Variants in ALPK3 observed in about 807,000 individuals in gnomAD.
ALPK3 encodes the protein alpha-protein kinase 3.
In ALPK3, 102 loss-of-function variants were observed where a neutral mutation model predicts 140.0. That is an observed-to-expected ratio of 0.73 (90% CI 0.62 to 0.86). ALPK3 has a LOEUF of 0.86. Among genes scored for constraint, ALPK3 ranks in the 40% least tolerant of loss-of-function variants. The probability of loss-of-function intolerance (pLI) is 0.00; values close to 1 mark genes in which losing one functional copy is unlikely to be tolerated. For synonymous variants in ALPK3, 938 were observed against 898.5 expected (o/e 1.04, Z -0.79); for missense variants, 2,254 against 2,208.2 (o/e 1.02, Z -0.42).
At chr15:84,866,961 G>A (rs1173378059) in intron 12 of ALPK3, among the ~76,000 whole-genome samples, 1 of 152,090 alleles carries the variant, frequency 6.6e-6, no homozygotes, top group African/African-American at 2.4e-5. Flanking sequence ...AAGTCAAATG[G>A]CCATTGCACA....
chr15:84,863,396 G>A lies in ALPK3; in HGVS notation c.4411-156G>A, dbSNP rs191764912. On this transcript the variant is annotated intron_variant, in intron 10 of 13. Coordinates refer to ENST00000258888, the MANE Select transcript of ALPK3 (RefSeq NM_020778.5). ...ATACAAAAGAGGAAAATGAGATGCA[G>A]AGTGGGGAGCAGGGAGGAGTAAGCC... 6.4e-6 allele frequency: 4 copies of A among 622,920 alleles called. No homozygotes were observed. The African/African-American group carries it at 7.4e-5, about 11-fold the overall frequency. The allele number at this position is 622,920 out of a possible 1,614,324, so 38.6% of individuals were successfully genotyped here. A position where few individuals can be genotyped will look rare whatever the true frequency, so the allele number is the denominator to read the frequency against.
chr15:84,861,068 A>G (rs1963939814), intron 9 of ALPK3, among the ~76,000 whole-genome samples: 1 of 152,212 alleles, frequency 6.6e-6, no homozygotes. Context: ...CTAAGTAATA[A>G]TTATTTAATA....
chr15:84,827,020 G>A (rs1226884365), intron 2 of ALPK3, among the ~76,000 whole-genome samples: 1 of 152,180 alleles, frequency 6.6e-6, no homozygotes, highest in Non-Finnish European at 1.5e-5. Context: ...GTGCTCTTAG[G>A]ACCCTTGAAT....
chr15:84,843,837 G>C (rs1319746912), intron 5 of ALPK3, among the ~76,000 whole-genome samples: 1 of 151,846 alleles, frequency 6.6e-6, no homozygotes, highest in Admixed American at 6.6e-5. Context: ...GCTCACGCTT[G>C]TAATCGCAGT....
At chr15:84,864,120 C>A (rs1026071533) in intron 11 of ALPK3, among the ~76,000 whole-genome samples, 2 of 152,172 alleles carry the variant, frequency 1.3e-5, no homozygotes, top group Admixed American at 1.3e-4. Flanking sequence ...CTGGTTGAAT[C>A]CTCTCTAAAG....
intron 5 of ALPK3, among the ~76,000 whole-genome samples, chr15:84,850,877 TATAC>T (rs1192987546): frequency 4.4e-5 from 4 of 90,422 alleles, no homozygotes; most frequent in African/African-American, 1.4e-4. Flanking sequence ...CAGTTCCAGA[TATAC>T]ACACACACAC....
In ALPK3 at chr15:84,858,259, C is replaced by G. The variant is rs541005940; in HGVS notation, c.3521C>G (p.Ala1174Gly). Reference sequence around the variant, plus strand: ...AAGAGATTTCTCCCTAAGGTCAGAGCAGCAGGAGACGGGGAGGCAACCACA... The same window carrying G: ...AAGAGATTTCTCCCTAAGGTCAGAGGAGCAGGAGACGGGGAGGCAACCACA... ...RRKRFLPKVR[A>G]AGDGEATTPE... The change falls in exon 6 of 14, where the codon GCA becomes GGA. Residue 1174 changes from alanine (A) to glycine (G), a missense_variant. Transcript: ENST00000258888. The G allele has an allele frequency of 1.9e-6, 3 of 1,600,658 alleles. No individual in the cohort carries two copies. Among genetic ancestry groups the G allele is most frequent in the African/African-American group, 1.3e-5 (1 of 74,492 alleles).
chr15:84,857,395 C>T lies in ALPK3; in HGVS notation c.2657C>T (p.Thr886Ile), dbSNP rs1275702908. 2 of 1,613,994 alleles carry T rather than the reference C, an allele frequency of 1.2e-6. No homozygotes were observed. Among genetic ancestry groups the T allele is most frequent in the Admixed American group, 1.7e-5 (1 of 60,010 alleles). ...AGCCCAAAGGCGGGGCCGTGTAGCACCCCGACTTCTCAGCACGGGAGCACA... is the reference window on the plus strand; with the variant it reads ...AGCCCAAAGGCGGGGCCGTGTAGCATCCCGACTTCTCAGCACGGGAGCACA... ...TASPKAGPCS[T>I]PTSQHGSTAT... Residue 886 changes from threonine to isoleucine, a missense_variant, in exon 6 of 14, where the codon ACC becomes ATC. Around this residue, in one of 3 missense-constraint regions of ALPK3, gnomAD observed 2,088 missense variants for 2,022.9 expected, o/e 1.03. Coordinates refer to ENST00000258888, the MANE Select transcript of ALPK3 (RefSeq NM_020778.5).
intron 3 of ALPK3, among the ~76,000 whole-genome samples, chr15:84,837,485 T>G (rs1963608390): frequency 6.6e-6 from 1 of 152,228 alleles, no homozygotes; most frequent in Admixed American, 6.5e-5. Context: ...ATGTCTCACC[T>G]TTTCTATCAC....
At chr15:84,859,123 G>C in intron 6 of ALPK3, 120 bp from the exon 7 acceptor site, 6 of 1,372,952 alleles carry the variant, frequency 4.4e-6, no homozygotes, top group Non-Finnish European at 6.0e-6. Context: ...TGAGTGGTAG[G>C]TCTGTGTGGA....
rs531664949 is a variant in ALPK3, at chr15:84,827,404, C to T, written c.183-80C>T. 2.4e-4 allele frequency: 377 copies of T among 1,580,558 alleles called. 3 individuals are homozygous for T. In the East Asian group the frequency reaches 7.0e-3, roughly 29 times the overall value. ...AGGAAGATGGGCAGGCATGGTAAGA[C>T]GGAAGCTGCCTTGGACAGGCCAGGC... is the stretch of plus-strand genomic sequence containing the variant. On this transcript the variant is annotated intron_variant, in intron 2 of 13. Transcript: ENST00000258888.
rs919732206 is a variant in ALPK3, at chr15:84,871,689, G to A, written c.*3233G>A. The A allele has an allele frequency of 1.3e-5, 2 of 152,222 alleles. No homozygotes were observed. Among genetic ancestry groups the A allele is most frequent in the African/African-American group, 4.8e-5 (2 of 41,458 alleles). The allele number at this position is 152,222 out of a possible 1,614,324, so 9.4% of individuals were successfully genotyped here. A position where few individuals can be genotyped will look rare whatever the true frequency, so the allele number is the denominator to read the frequency against. On this transcript the variant is annotated 3_prime_UTR_variant, in exon 14 of 14. Coordinates refer to ENST00000258888, the MANE Select transcript of ALPK3 (RefSeq NM_020778.5). Reference sequence around the variant, plus strand: ...CTGCAGGCCTGACCCAGCCTCTCGGGGTGTTGTTTCTGGTGCCATAGTTGA... The same window carrying A: ...CTGCAGGCCTGACCCAGCCTCTCGGAGTGTTGTTTCTGGTGCCATAGTTGA...
At chr15:84,850,911 CA>C (rs1963796266) in intron 5 of ALPK3, among the ~76,000 whole-genome samples, 1 of 151,026 alleles carries the variant, frequency 6.6e-6, no homozygotes, top group African/African-American at 2.5e-5. Context: ...CACACACACA[CA>C]CACCCTCTGT....
chr15:84,858,097 G>A lies in ALPK3; in HGVS notation c.3359G>A (p.Gly1120Glu), dbSNP rs1252081341. 6.4e-7 allele frequency: 1 copy of A among 1,569,616 alleles called. No homozygotes were observed. Among genetic ancestry groups the A allele is most frequent in the East Asian group, 2.2e-5 (1 of 44,470 alleles). ...SMAGRLGEAG[G>E]QAAPGQGPSA... ...GCTGGTCGACTGGGGGAGGCGGGTG[G>A]GCAGGCAGCCCCTGGACAGGGGCCC... is the stretch of plus-strand genomic sequence containing the variant. Residue 1120 changes from glycine to glutamate, a missense_variant, in exon 6 of 14, where the codon GGG becomes GAG. Gly to Glu is a moderately conservative substitution (Grantham distance 98, BLOSUM62 -2). Around this residue, in one of 3 missense-constraint regions of ALPK3, gnomAD observed 2,088 missense variants for 2,022.9 expected, o/e 1.03. Transcript: ENST00000258888.
At chr15:84,863,043 T>A in intron 10 of ALPK3, 128 bp downstream of exon 10, 1 of 1,279,474 alleles carries the variant, frequency 7.8e-7, no homozygotes, top group Non-Finnish European at 1.1e-6. Flanking sequence ...ATGAGGCTCC[T>A]AGGAGGACCT....
At position 84,856,570 on chromosome 15, in the gene ALPK3, AG is replaced by A; in HGVS notation, c.1834del (p.Ala612GlnfsTer50). The stretch of plus-strand genomic sequence containing the variant: ...AGAACTGGAAGCAAGAAGAATGTGC[AG>A]GCAGATGGGAAGATACAAGTGGATG... The part of the protein sequence containing the change: ...NQRTGSKKNV[Q>X]ADGKIQVDGR... On this transcript the variant is annotated frameshift_variant, in exon 6 of 14. Transcript: ENST00000258888. LOFTEE classifies it high-confidence loss of function. 1.9e-6 allele frequency: 3 copies of A among 1,614,206 alleles called. No individual in the cohort carries two copies. Among genetic ancestry groups the A allele is most frequent in the Non-Finnish European group, 2.5e-6 (3 of 1,180,042 alleles).
At chr15:84,853,279 A>G (rs904576444) in intron 5 of ALPK3, among the ~76,000 whole-genome samples, 5 of 152,164 alleles carry the variant, frequency 3.3e-5, no homozygotes, top group African/African-American at 9.7e-5. Context: ...GTCTGTTAAT[A>G]TCCGGTTGTC....
intron 5 of ALPK3, 70 bp from the exon 6 acceptor site, chr15:84,856,322 G>A (rs1963859201): frequency 6.5e-7 from 1 of 1,529,610 alleles, no homozygotes; most frequent in Non-Finnish European, 8.8e-7. Context: ...GAGGAGACTG[G>A]GATGCCAGAC....
chr15:84,870,542 G>C lies in ALPK3; in HGVS notation c.*2086G>C, dbSNP rs1964057856. 1 of 152,222 alleles carries C rather than the reference G, an allele frequency of 6.6e-6. No individual in the cohort carries two copies. The highest frequency in any genetic ancestry group is 1.9e-4 in the East Asian group (1 of 5,200). The allele number at this position is 152,222 out of a possible 1,614,324, so 9.4% of individuals were successfully genotyped here. A position where few individuals can be genotyped will look rare whatever the true frequency, so the allele number is the denominator to read the frequency against. On this transcript the variant is annotated 3_prime_UTR_variant, in exon 14 of 14. Coordinates refer to ENST00000258888, the MANE Select transcript of ALPK3 (RefSeq NM_020778.5). ...ACTTAAGCAAGGAAAAAGCGTTCAT[G>C]GGAAGGATGCTGGGATAGCTCACAA... is the stretch of plus-strand genomic sequence containing the variant.
Sources: allele counts gnomAD v4.1 joint callset (sites outside exome capture counted in the v4.1 genomes callset), GRCh38; gene constraint gnomAD v4.1.1; regional missense constraint gnomAD v4.1.1; transcripts MANE v1.5; gene names NCBI Gene and HGNC (gene_info 2026-07-23, HGNC 2026-07-21).